The following MYO18A variants were observed in gnomAD, a reference collection of about 807,000 sequenced individuals.
MYO18A encodes the protein myosin XVIIIA.
A neutral mutation model predicts 235.8 loss-of-function variants in MYO18A; 78 were observed. The ratio of observed to expected loss-of-function variants is 0.33; its 90% confidence interval spans 0.28 to 0.40. The LOEUF (loss-of-function observed/expected upper bound fraction) is 0.40. Ranked by LOEUF, MYO18A falls within the 10% of genes least tolerant of loss-of-function variation. The pLI is 1.00. For missense variants in MYO18A, 2,215 were observed against 2,699.3 expected, an observed-to-expected ratio of 0.82 and a Z score of 3.98; for synonymous variants, 977 against 1,077.8, an observed-to-expected ratio of 0.91 and a Z score of 1.83.
rs1221781429 is a variant in MYO18A, at chr17:29,109,852, C to T, written c.3331+6G>A. ...AGCCCAGAGTGGAGAGGAAAGGAGG[C>T]CCCACCTTGGCGGTACATGCGCATG... On this transcript the variant is annotated splice_donor_region_variant and intron_variant, in intron 19 of 41. Transcript: ENST00000527372. This position sits in a 1 kb window ranked among gnomAD's most constrained non-coding sequence, Gnocchi z 4.1. 3 of 1,550,946 alleles carry T rather than the reference C, an allele frequency of 1.9e-6. No homozygotes were observed. Among genetic ancestry groups the T allele is most frequent in the African/African-American group, 1.4e-5 (1 of 73,226 alleles).
intron 2 of MYO18A, among the ~76,000 whole-genome samples, chr17:29,134,952 G>A (rs1339622585): frequency 6.6e-6 from 1 of 152,178 alleles, no homozygotes; most frequent in African/African-American, 2.4e-5. Context: ...TGGGGCAAGA[G>A]GCCCGGAGAA....
chr17:29,088,656 C>A (rs1301038750), intron 37 of MYO18A, among the ~76,000 whole-genome samples: 2 of 152,084 alleles, frequency 1.3e-5, no homozygotes, highest in Non-Finnish European at 1.5e-5. Context: ...GGATGTAAAC[C>A]CAGGAGATAA....
Position 29,153,619 on chromosome 17 carries a change from G to A in MYO18A, c.999+12323C>T, listed in dbSNP as rs190793614. Among the ~76,000 whole-genome samples, 13 of 152,216 alleles carry A rather than the reference G, an allele frequency of 8.5e-5. No individual in the cohort carries two copies. In the East Asian group the frequency reaches 1.5e-3, roughly 18 times the overall value. On this transcript the variant is annotated intron_variant, in intron 2 of 41. Coordinates refer to ENST00000527372, the MANE Select transcript of MYO18A (RefSeq NM_078471.4). Reference sequence around the variant, plus strand: ...TTAGCAATGTGTTAACAACACCTTCGCAACCACACACAACTCCTCACCTGT... The same window carrying A: ...TTAGCAATGTGTTAACAACACCTTCACAACCACACACAACTCCTCACCTGT...
chr17:29,122,647 CT>C (rs2040683860), intron 2 of MYO18A, among the ~76,000 whole-genome samples: 1 of 152,270 alleles, frequency 6.6e-6, no homozygotes, highest in Admixed American at 6.5e-5. Context: ...GTCCAAGGCC[CT>C]AGACCCTAGC....
chr17:29,088,333 C>T (rs924680058), intron 37 of MYO18A, among the ~76,000 whole-genome samples: 5 of 152,272 alleles, frequency 3.3e-5, no homozygotes, highest in East Asian at 1.9e-4. Flanking sequence ...GGATTACAGG[C>T]ATGAGCCACC....
chr17:29,133,737 C>T (rs974881568), intron 2 of MYO18A: 12 of 1,207,208 alleles, frequency 9.9e-6, no homozygotes, highest in Non-Finnish European at 1.3e-5. Context: ...CAGTCTCCTG[C>T]CTGCAGATAC....
chr17:29,111,662 C>A lies in MYO18A; in HGVS notation c.2740+60G>T. The A allele has an allele frequency of 1.9e-6, 3 of 1,611,712 alleles. No homozygotes were observed. Among genetic ancestry groups the A allele is most frequent in the Non-Finnish European group, 2.5e-6 (3 of 1,178,540 alleles). ...CCCCGCCCCCTCCCAGGGAGTGCCA[C>A]CTGGACCCACCTGTATGTAAGAGGA... On this transcript the variant is annotated intron_variant, in intron 16 of 41. Transcript: ENST00000527372. The surrounding 1 kb of genome is among the most constrained non-coding windows in gnomAD (Gnocchi z 5.1).
At chr17:29,082,812 T>C (rs2066153509) in intron 40 of MYO18A, among the ~76,000 whole-genome samples, 1 of 152,188 alleles carries the variant, frequency 6.6e-6, no homozygotes, top group Admixed American at 6.5e-5. Flanking sequence ...AGTGACTCCT[T>C]GAGGCCTACT....
rs1022067883 is a variant in MYO18A, at chr17:29,074,426, C to T, written c.*344G>A. 10 of 592,888 alleles carry T rather than the reference C, an allele frequency of 1.7e-5. No individual in the cohort carries two copies. Among genetic ancestry groups the T allele is most frequent in the Admixed American group, 3.1e-5 (1 of 32,522 alleles). 36.7% of individuals were successfully genotyped at this position (592,888 alleles called of 1,614,324 possible). On this transcript the variant is annotated 3_prime_UTR_variant, in exon 42 of 42. Transcript: ENST00000527372. This position sits in a 1 kb window ranked among gnomAD's most constrained non-coding sequence, Gnocchi z 4.4. The stretch of plus-strand genomic sequence containing the variant: ...GTGTCCCAGTAGGCAACCTGTCCAC[C>T]GTCCCTGAGCAGGGAGCTGAGAGGG...
intron 2 of MYO18A, among the ~76,000 whole-genome samples, chr17:29,165,161 G>A (rs1039095577): frequency 6.6e-6 from 1 of 152,148 alleles, no homozygotes; most frequent in African/African-American, 2.4e-5. Context: ...AGGAGGCTCT[G>A]GCCTGAGGTC....
rs1170017179 is a variant in MYO18A, at chr17:29,099,548, T to C, written c.3636+86A>G. ...CATGGTGCCCTGGGAGGTTCCTGCC[T>C]CTTCTCCCCCTTATAGCCCCCACCC... On this transcript the variant is annotated intron_variant, in intron 22 of 41. Coordinates refer to ENST00000527372, the MANE Select transcript of MYO18A (RefSeq NM_078471.4). 4 of 1,509,030 alleles carry C rather than the reference T, an allele frequency of 2.7e-6. No individual in the cohort carries two copies. The African/African-American group carries it at 5.6e-5, about 21-fold the overall frequency. The allele number at this position is 1,509,030 out of a possible 1,614,324, so 93.5% of individuals were successfully genotyped here.
At chr17:29,085,294 G>A (rs1052570837) in intron 40 of MYO18A, among the ~76,000 whole-genome samples, 1 of 152,226 alleles carries the variant, frequency 6.6e-6, no homozygotes, top group East Asian at 1.9e-4. Context: ...TTTTGAGGGA[G>A]GAATGTGCTG....
Position 29,128,480 on chromosome 17 carries a change from A to G in MYO18A, c.1000-6227T>C, listed in dbSNP as rs1469519021. On this transcript the variant is annotated intron_variant, in intron 2 of 41. Transcript: ENST00000527372. ...GGCTCTCTGGGAAGTCTCTGGGGGT[A>G]TCGGGCTGGTGGGAGGCTGAGGACT... 9 of 1,288,450 alleles carry G rather than the reference A, an allele frequency of 7.0e-6. No individual in the cohort carries two copies. In the East Asian group the frequency reaches 4.5e-4, roughly 64 times the overall value. The allele number at this position is 1,288,450 out of a possible 1,614,324, so 79.8% of individuals were successfully genotyped here.
rs1226194364 is a variant in MYO18A at position 29,074,817 on chromosome 17, G to T, written c.6118C>A (p.Leu2040Met). 1 of 1,613,856 alleles carries T rather than the reference G, an allele frequency of 6.2e-7. No homozygotes were observed. The highest frequency in any genetic ancestry group is 2.2e-5 in the East Asian group (1 of 44,882). Residue 2040 changes from leucine to methionine, a missense_variant, in exon 42 of 42, where the codon CTG becomes ATG. Coordinates refer to ENST00000527372, the MANE Select transcript of MYO18A (RefSeq NM_078471.4). The surrounding 1 kb of genome is among the most constrained non-coding windows in gnomAD (Gnocchi z 4.4). ...TSRPRYSHSY[L>M]SDSDTEAKLT... ...TTGGCCTCTGTGTCGCTGTCACTCA[G>T]ATAACTGTGGGAGTATCGCGGTCTG...
chr17:29,098,261 T>C, intron 24 of MYO18A, 37 bp from the exon 25 acceptor site: 11 of 1,613,264 alleles, frequency 6.8e-6, no homozygotes, highest in Non-Finnish European at 9.3e-6. Context: ...CCAGTTGAAG[T>C]GCCTGCCTCA....
At chr17:29,124,484 T>A (rs2067272756) in intron 2 of MYO18A, among the ~76,000 whole-genome samples, 1 of 152,162 alleles carries the variant, frequency 6.6e-6, no homozygotes. Flanking sequence ...CTCCCGGCAC[T>A]ACCTCCCGCT....
intron 41 of MYO18A, chr17:29,079,690 GAC>G: frequency 2.0e-6 from 2 of 984,094 alleles, no homozygotes; most frequent in Non-Finnish European, 1.2e-6. Context: ...CACCGGGTGG[GAC>G]ACACCATGCT....
chr17:29,175,200 C>G (rs1029863398), intron 1 of MYO18A, among the ~76,000 whole-genome samples: 1 of 152,008 alleles, frequency 6.6e-6, no homozygotes. Context: ...AAGTGGTCCA[C>G]CCACCTTGGC....
chr17:29,092,781 G>A, intron 33 of MYO18A, 74 bp downstream of exon 33: 4 of 1,563,078 alleles, frequency 2.6e-6, no homozygotes, highest in South Asian at 1.2e-5. Context: ...CCACTGAGAG[G>A]AGCGAGAGAG....
Sources: allele counts gnomAD v4.1 joint callset (sites outside exome capture counted in the v4.1 genomes callset), GRCh38; gene constraint gnomAD v4.1.1; non-coding constraint Gnocchi (gnomAD v3.1); transcripts MANE v1.5; gene names NCBI Gene and HGNC (gene_info 2026-07-23, HGNC 2026-07-21).